NDUFAF2: variants seen among roughly 807,000 people sequenced by gnomAD.
The protein encoded by NDUFAF2 is NADH:ubiquinone oxidoreductase complex assembly factor 2.
In NDUFAF2, 13 loss-of-function variants were observed where a neutral mutation model predicts 22.8. The observed-to-expected ratio is 0.57, with a 90% confidence interval of 0.37 to 0.91. The LOEUF is 0.91. NDUFAF2 is among the 40% of genes least tolerant of loss of function. The pLI is 0.01. For synonymous variants in NDUFAF2, 53 were observed against 64.2 expected, an observed-to-expected ratio of 0.83 and a Z score of 0.84; for missense variants, 162 against 195.2, an observed-to-expected ratio of 0.83 and a Z score of 1.01.
At chr5:61,007,869 A>T (rs932494745) in intron 1 of NDUFAF2, among the ~76,000 whole-genome samples, 2 of 152,158 alleles carry the variant, frequency 1.3e-5, no homozygotes, top group African/African-American at 4.8e-5. Flanking sequence ...TTATTGCGGC[A>T]CTATTCACAA....
At chr5:60,998,460 A>G (rs1311393511) in intron 1 of NDUFAF2, among the ~76,000 whole-genome samples, 2 of 152,176 alleles carry the variant, frequency 1.3e-5, no homozygotes, top group Non-Finnish European at 2.9e-5. Flanking sequence ...AAAAATTAAT[A>G]TGTGGAGTAG....
At chr5:61,104,668 G>T (rs1752741371) in intron 3 of NDUFAF2, among the ~76,000 whole-genome samples, 1 of 151,972 alleles carries the variant, frequency 6.6e-6, no homozygotes, top group South Asian at 2.1e-4. Context: ...GTCTAAGGTT[G>T]CTTGGCCCTA....
At chr5:61,137,886 A>C (rs894756963) in intron 3 of NDUFAF2, among the ~76,000 whole-genome samples, 3 of 152,262 alleles carry the variant, frequency 2.0e-5, no homozygotes, top group Non-Finnish European at 2.9e-5. Flanking sequence ...CCAATTTAGT[A>C]GGAAGCTCTG....
chr5:60,969,981 G>A (rs1353343725), intron 1 of NDUFAF2, among the ~76,000 whole-genome samples: 1 of 152,098 alleles, frequency 6.6e-6, no homozygotes, highest in Admixed American at 6.5e-5. Context: ...TGAAGAGAAT[G>A]TCATTTCCCC....
chr5:61,136,008 TATATATATATATA>T (rs1740927074), intron 3 of NDUFAF2, among the ~76,000 whole-genome samples: 1 of 15,598 alleles, frequency 6.4e-5, no homozygotes, highest in Admixed American at 9.1e-4. Context: ...CCTGTCTTTA[TATATATATATATA>T]TATATATATA....
At chr5:61,000,740 G>A (rs1751285557) in intron 1 of NDUFAF2, among the ~76,000 whole-genome samples, 1 of 152,028 alleles carries the variant, frequency 6.6e-6, no homozygotes, top group Non-Finnish European at 1.5e-5. Context: ...ACTTTTGTTA[G>A]TCTTATGACC....
intron 3 of NDUFAF2, among the ~76,000 whole-genome samples, chr5:61,133,362 A>T (rs1314031385): frequency 2.0e-5 from 3 of 152,252 alleles, no homozygotes; most frequent in Middle Eastern, 3.4e-3. Flanking sequence ...ATGAGTGGTG[A>T]TATATTTTAA....
At chr5:60,994,556 G>T (rs1361290554) in intron 1 of NDUFAF2, among the ~76,000 whole-genome samples, 1 of 152,198 alleles carries the variant, frequency 6.6e-6, no homozygotes, top group Admixed American at 6.5e-5. Context: ...CCAGATGGCC[G>T]CTGCTACCAT....
intron 1 of NDUFAF2, among the ~76,000 whole-genome samples, chr5:60,954,399 A>T (rs1750587382): frequency 6.6e-6 from 1 of 152,152 alleles, no homozygotes; most frequent in Non-Finnish European, 1.5e-5. Flanking sequence ...TTCCTATTAG[A>T]GCACAATAGG....
intron 1 of NDUFAF2, among the ~76,000 whole-genome samples, chr5:60,994,138 A>G (rs1460808739): frequency 6.6e-6 from 1 of 152,236 alleles, no homozygotes; most frequent in Non-Finnish European, 1.5e-5. Context: ...TGCCCTGATC[A>G]TGGCACACAC....
At chr5:60,979,005 T>G (rs754872282) in intron 1 of NDUFAF2, among the ~76,000 whole-genome samples, 1 of 152,198 alleles carries the variant, frequency 6.6e-6, no homozygotes, top group Non-Finnish European at 1.5e-5. Context: ...GGCAGAGTTC[T>G]GAGACCTCCA....
intron 1 of NDUFAF2, among the ~76,000 whole-genome samples, chr5:61,008,226 G>A (rs138493664): frequency 2.0e-4 from 30 of 151,524 alleles, no homozygotes; most frequent in African/African-American, 4.1e-4. Context: ...TGGGTGCAGC[G>A]CACCAGCATG....
intron 1 of NDUFAF2, among the ~76,000 whole-genome samples, chr5:61,056,822 G>A (rs1162875587): frequency 7.0e-6 from 1 of 143,250 alleles, no homozygotes; most frequent in Admixed American, 7.1e-5. Flanking sequence ...CAAGGAGGCC[G>A]AGGTTGCGGT....
intron 3 of NDUFAF2, among the ~76,000 whole-genome samples, chr5:61,102,926 A>G (rs942100834): frequency 5.3e-5 from 8 of 152,068 alleles, no homozygotes; most frequent in Admixed American, 2.0e-4. Context: ...CTACACACCC[A>G]TTAAAATGGC....
At chr5:61,101,073 T>C (rs1221788205) in intron 3 of NDUFAF2, among the ~76,000 whole-genome samples, 1 of 152,158 alleles carries the variant, frequency 6.6e-6, no homozygotes, top group Non-Finnish European at 1.5e-5. Context: ...TTCTTACCAC[T>C]GTAACTTTTA....
chr5:60,968,570 T>G (rs543231990), intron 1 of NDUFAF2, among the ~76,000 whole-genome samples: 2 of 152,078 alleles, frequency 1.3e-5, no homozygotes, highest in South Asian at 2.1e-4. Context: ...TAAAAATATT[T>G]TTAGTTTTTA....
intron 1 of NDUFAF2, among the ~76,000 whole-genome samples, chr5:61,020,929 C>T (rs1580098286): frequency 6.7e-6 from 1 of 150,054 alleles, no homozygotes; most frequent in Non-Finnish European, 1.5e-5. Flanking sequence ...CTCCTGACCT[C>T]GTGATCCGCC....
At chr5:61,075,544 A>C (rs1325097753) in intron 2 of NDUFAF2, among the ~76,000 whole-genome samples, 1 of 152,160 alleles carries the variant, frequency 6.6e-6, no homozygotes, top group Non-Finnish European at 1.5e-5. Context: ...AATAGTATAG[A>C]ATTAAGATGT....
intron 1 of NDUFAF2, among the ~76,000 whole-genome samples, chr5:60,960,004 A>G (rs1750663299): frequency 6.6e-6 from 1 of 152,164 alleles, no homozygotes; most frequent in South Asian, 2.1e-4. Flanking sequence ...AAATGTGTTC[A>G]CAGTCGTACC....
Sources: gnomAD v4.1 joint callset for allele counts (sites outside exome capture counted in the v4.1 genomes callset) on GRCh38, gnomAD v4.1.1 for gene constraint, MANE v1.5 for transcripts, NCBI Gene and HGNC (gene_info 2026-07-23, HGNC 2026-07-21) for gene names.